Variants in SCAF11 observed in about 807,000 individuals in gnomAD.
SCAF11 encodes SR-related CTD associated factor 11.
Under a neutral mutation model 140.5 loss-of-function variants are expected in SCAF11, and 47 were observed. The ratio of observed to expected loss-of-function variants is 0.33; its 90% CI spans 0.26 to 0.43. The LOEUF is 0.43. Among genes scored for constraint, SCAF11 ranks in the 20% least tolerant of loss-of-function variants. SCAF11 has a pLI of 1.00. For synonymous variants in SCAF11, 557 were observed against 579.4 expected (o/e 0.96, Z 0.55); for missense variants, 1,645 against 1,705.1 (o/e 0.96, Z 0.62).
At chr12:45,925,421 G>A (rs1368750864) in intron 11 of SCAF11, among the ~76,000 whole-genome samples, 1 of 152,156 alleles carries the variant, frequency 6.6e-6, no homozygotes, top group African/African-American at 2.4e-5. Context: ...CAGGCGTGGT[G>A]GTGAGCGCCT....
At chr12:45,940,305 G>T (rs59757955) in intron 6 of SCAF11, among the ~76,000 whole-genome samples, 54 of 152,174 alleles carry the variant, frequency 3.5e-4, no homozygotes, top group Admixed American at 2.6e-3. Flanking sequence ...AAATGAAAGA[G>T]AACTAATTTT....
intron 3 of SCAF11, among the ~76,000 whole-genome samples, chr12:45,956,919 T>C (rs907379326): frequency 2.0e-5 from 3 of 152,162 alleles, no homozygotes; most frequent in Non-Finnish European, 4.4e-5. Context: ...AAATCCTCTT[T>C]GCTCTACTAA....
chr12:45,970,595 A>G (rs568693265), intron 1 of SCAF11, among the ~76,000 whole-genome samples: 2 of 152,372 alleles, frequency 1.3e-5, no homozygotes, highest in South Asian at 4.1e-4. Context: ...TTTCTAGTTC[A>G]GTTTCTAAGA....
intron 11 of SCAF11, among the ~76,000 whole-genome samples, 181 bp downstream of exon 11, chr12:45,925,961 A>G (rs150081845): frequency 6.6e-6 from 1 of 152,328 alleles, no homozygotes; most frequent in Non-Finnish European, 1.5e-5. Context: ...TTAATAATAT[A>G]CTTATGTAGA....
chr12:45,952,878 T>A (rs192992332), intron 3 of SCAF11, among the ~76,000 whole-genome samples: 1 of 152,348 alleles, frequency 6.6e-6, no homozygotes, highest in Admixed American at 6.5e-5. Context: ...ATTATTCCTA[T>A]GTAAAAAATG....
intron 1 of SCAF11, among the ~76,000 whole-genome samples, chr12:45,976,965 A>C (rs1188956904): frequency 6.6e-6 from 1 of 152,156 alleles, no homozygotes; most frequent in African/African-American, 2.4e-5. Context: ...GATAGCCTGA[A>C]TAGCCTTAGG....
At chr12:45,950,048 C>T (rs1945513997) in intron 4 of SCAF11, among the ~76,000 whole-genome samples, 1 of 152,100 alleles carries the variant, frequency 6.6e-6, no homozygotes, top group African/African-American at 2.4e-5. Context: ...TACATACATA[C>T]ATACTTACAT....
At chr12:45,946,793 A>G (rs1052803026) in intron 5 of SCAF11, among the ~76,000 whole-genome samples, 2 of 152,224 alleles carry the variant, frequency 1.3e-5, no homozygotes, top group African/African-American at 4.8e-5. Flanking sequence ...CAAGAACCAA[A>G]GCTGATAAGT....
intron 1 of SCAF11, among the ~76,000 whole-genome samples, chr12:45,967,165 A>T (rs960880061): frequency 3.9e-5 from 6 of 152,092 alleles, no homozygotes; most frequent in Non-Finnish European, 7.4e-5. Context: ...AGGTGGGAGG[A>T]TCGCTTGAGC....
At chr12:45,938,191 T>A (rs566768549) in intron 6 of SCAF11, among the ~76,000 whole-genome samples, 1 of 152,226 alleles carries the variant, frequency 6.6e-6, no homozygotes, top group Admixed American at 6.5e-5. Flanking sequence ...ACTTTGTGGC[T>A]TAAAACTCTT....
chr12:45,939,524 C>T (rs1197047881), intron 6 of SCAF11, among the ~76,000 whole-genome samples: 3 of 152,034 alleles, frequency 2.0e-5, no homozygotes, highest in Non-Finnish European at 4.4e-5. Flanking sequence ...GGTGAAATTC[C>T]CCTGTCTCTA....
chr12:45,954,465 G>C (rs1945629704), intron 3 of SCAF11, among the ~76,000 whole-genome samples: 1 of 151,974 alleles, frequency 6.6e-6, no homozygotes, highest in Non-Finnish European at 1.5e-5. Flanking sequence ...TTGGACTCCT[G>C]GGCTTAAGCG....
intron 1 of SCAF11, among the ~76,000 whole-genome samples, chr12:45,973,005 T>TATATATAG (rs558361498): frequency 4.2e-5 from 6 of 144,404 alleles, no homozygotes; most frequent in East Asian, 2.0e-4. Flanking sequence ...TATATAGATA[T>TATATATAG]ATATATAGAT....
intron 6 of SCAF11, among the ~76,000 whole-genome samples, chr12:45,936,894 T>G (rs1475475858): frequency 6.6e-6 from 1 of 152,172 alleles, no homozygotes; most frequent in Non-Finnish European, 1.5e-5. Flanking sequence ...TTGTCTAGGT[T>G]AGTAATTATT....
intron 10 of SCAF11, chr12:45,930,069 AATC>A (rs1420209975): frequency 6.6e-6 from 1 of 152,250 alleles, no homozygotes; most frequent in Non-Finnish European, 1.5e-5. Context: ...TTATTACAAA[AATC>A]ATAAGAGAAA....
intron 1 of SCAF11, among the ~76,000 whole-genome samples, chr12:45,985,232 T>C (rs766867336): frequency 9.9e-5 from 15 of 152,226 alleles, no homozygotes; most frequent in Non-Finnish European, 1.8e-4. Context: ...ACCAAATTTA[T>C]AACTCCCTTC....
At chr12:45,936,183 C>T (rs1227435331) in intron 6 of SCAF11, among the ~76,000 whole-genome samples, 2 of 150,956 alleles carry the variant, frequency 1.3e-5, no homozygotes, top group Non-Finnish European at 2.9e-5. Context: ...GCTTTGTTGG[C>T]CAGGCTGGAG....
chr12:45,948,452 G>C lies in SCAF11; in HGVS notation c.383C>G (p.Ser128Cys), dbSNP rs1312683291. The change falls in exon 5 of 15, where the codon TCT (serine) becomes TGT (cysteine). Residue 128 changes from serine to cysteine, a missense_variant. By Grantham distance (112) the Ser-to-Cys change is moderately radical. Coordinates refer to ENST00000369367, the MANE Select transcript of SCAF11 (RefSeq NM_004719.3). The part of the protein sequence containing the change: ...FEKQVSCHEN[S>C]KSCIRRKAIV... ...AATCACTAACCTTATACAGCTTTTA[G>C]AATTTTCATGACAGGAGACCTGTTT... 17 of 1,607,454 alleles carry C rather than the reference G, an allele frequency of 1.1e-5. No individual in the cohort carries two copies. Among genetic ancestry groups the C allele is most frequent in the Non-Finnish European group, 1.4e-5 (17 of 1,175,932 alleles).
chr12:45,966,050 T>C (rs1214116483), intron 1 of SCAF11, among the ~76,000 whole-genome samples: 1 of 152,208 alleles, frequency 6.6e-6, no homozygotes, highest in Non-Finnish European at 1.5e-5. Context: ...TCTTAGCCTA[T>C]GTGTGCAACA....
Sources: allele counts gnomAD v4.1 joint callset (sites outside exome capture counted in the v4.1 genomes callset), GRCh38; gene constraint gnomAD v4.1.1; transcripts MANE v1.5; gene names NCBI Gene and HGNC (gene_info 2026-07-23, HGNC 2026-07-21).